The following HCN1 variants were observed in gnomAD, a reference collection of about 807,000 sequenced individuals.
The protein encoded by HCN1 is potassium/sodium hyperpolarization-activated cyclic nucleotide-gated channel 1.
HCN1 carries 13 observed loss-of-function variants against 78.9 expected under a neutral mutation model. The observed-to-expected ratio is 0.16, with a 90% CI of 0.11 to 0.26. The LOEUF (loss-of-function observed/expected upper bound fraction) is 0.26, where lower values mean the gene tolerates loss of function less well. HCN1 is among the 10% of genes least tolerant of loss of function. The pLI, the probability that HCN1 is intolerant of heterozygous loss-of-function variation, is 1.00. For synonymous variants in HCN1, 552 were observed against 455.5 expected, an observed-to-expected ratio of 1.21 and a Z score of -2.70; for missense variants, 810 against 1,154.3, an observed-to-expected ratio of 0.70 and a Z score of 4.32.
rs1580029049 is a variant in HCN1, at chr5:45,660,587, C to T, written c.426-14979G>A. On this transcript the variant is annotated intron_variant, in intron 1 of 7. Coordinates refer to ENST00000303230, the MANE Select transcript of HCN1 (RefSeq NM_021072.4). ...TCATGTGCAGAGACACACATAGGCT[C>T]AAAATAAAAGCATGGAAGAAGATCT... Among the ~76,000 whole-genome samples, 4 of 151,774 alleles carry T rather than the reference C, an allele frequency of 2.6e-5. No homozygotes were observed. In the South Asian group the frequency reaches 8.3e-4, roughly 32 times the overall value.
At chr5:45,409,443 T>A (rs1488421285) in intron 3 of HCN1, among the ~76,000 whole-genome samples, 1 of 152,100 alleles carries the variant, frequency 6.6e-6, no homozygotes, top group Non-Finnish European at 1.5e-5. Context: ...ATAAGCAGCT[T>A]ACGTAGTAAT....
chr5:45,379,535 C>G (rs189492525), intron 4 of HCN1, among the ~76,000 whole-genome samples: 2 of 152,122 alleles, frequency 1.3e-5, no homozygotes, highest in African/African-American at 4.8e-5. Context: ...ATGAATTAAT[C>G]AATTTATGTC....
At chr5:45,345,963 T>A (rs773819797) in intron 5 of HCN1, among the ~76,000 whole-genome samples, 9 of 152,240 alleles carry the variant, frequency 5.9e-5, no homozygotes, top group Admixed American at 2.6e-4. Flanking sequence ...AGAGGTTTAT[T>A]TGACTCATAG....
chr5:45,552,349 G>A (rs1020195051), intron 2 of HCN1, among the ~76,000 whole-genome samples: 9 of 151,804 alleles, frequency 5.9e-5, no homozygotes, highest in Admixed American at 2.0e-4. Context: ...CCATGAACTC[G>A]CATAATATGG....
At chr5:45,275,992 A>AT (rs1579772380) in intron 6 of HCN1, among the ~76,000 whole-genome samples, 1 of 152,106 alleles carries the variant, frequency 6.6e-6, no homozygotes, top group East Asian at 1.9e-4. Flanking sequence ...TCATCAAATG[A>AT]TTTTTGGCTC....
At chr5:45,338,315 C>T (rs1238443678) in intron 5 of HCN1, among the ~76,000 whole-genome samples, 1 of 152,060 alleles carries the variant, frequency 6.6e-6, no homozygotes, top group East Asian at 1.9e-4. Flanking sequence ...AATCACTGCT[C>T]TTAACTATAT....
chr5:45,618,872 AG>A (rs1745006508), intron 2 of HCN1, among the ~76,000 whole-genome samples: 1 of 152,022 alleles, frequency 6.6e-6, no homozygotes, highest in African/African-American at 2.4e-5. Context: ...CGGGATATAA[AG>A]AGTTCACTTT....
intron 2 of HCN1, among the ~76,000 whole-genome samples, chr5:45,532,453 TTA>T (rs1232940805): frequency 1.3e-5 from 2 of 152,204 alleles, no homozygotes; most frequent in African/African-American, 2.4e-5. Flanking sequence ...TAAAAATTTG[TTA>T]TTGTAAAATA....
chr5:45,300,155 T>C (rs941267066), intron 6 of HCN1, among the ~76,000 whole-genome samples: 2 of 152,016 alleles, frequency 1.3e-5, no homozygotes, highest in Non-Finnish European at 2.9e-5. Flanking sequence ...ACAAATCCCA[T>C]CTTTGTGCAT....
intron 4 of HCN1, among the ~76,000 whole-genome samples, chr5:45,360,913 A>G (rs1234531896): frequency 6.6e-6 from 1 of 152,176 alleles, no homozygotes; most frequent in African/African-American, 2.4e-5. Context: ...GTAACAAAAC[A>G]TAGATTTTTC....
chr5:45,497,147 G>A (rs1742054751), intron 2 of HCN1, among the ~76,000 whole-genome samples: 1 of 152,172 alleles, frequency 6.6e-6, no homozygotes, highest in Non-Finnish European at 1.5e-5. Context: ...TGGAATAAGT[G>A]TGGTGTGGTG....
At chr5:45,379,858 G>A (rs1747767467) in intron 4 of HCN1, among the ~76,000 whole-genome samples, 1 of 151,958 alleles carries the variant, frequency 6.6e-6, no homozygotes, top group Admixed American at 6.6e-5. Context: ...TCTTTAATGG[G>A]TAAAGAGCTT....
chr5:45,494,085 G>C (rs1279724224), intron 2 of HCN1, among the ~76,000 whole-genome samples: 1 of 152,090 alleles, frequency 6.6e-6, no homozygotes, highest in Non-Finnish European at 1.5e-5. Flanking sequence ...CTTTATAGCA[G>C]CATGATTTAT....
At chr5:45,342,249 T>C (rs1339577924) in intron 5 of HCN1, among the ~76,000 whole-genome samples, 1 of 151,992 alleles carries the variant, frequency 6.6e-6, no homozygotes, top group Non-Finnish European at 1.5e-5. Context: ...TTTTTTTTTT[T>C]TTGAGATGGA....
chr5:45,375,814 TATA>T (rs1370171405), intron 4 of HCN1, among the ~76,000 whole-genome samples: 9 of 115,492 alleles, frequency 7.8e-5, no homozygotes, highest in South Asian at 5.0e-4. Context: ...TTATATATAA[TATA>T]ATATTTTATG....
intron 2 of HCN1, among the ~76,000 whole-genome samples, chr5:45,595,906 A>C (rs1333315888): frequency 7.3e-6 from 1 of 137,518 alleles, no homozygotes; most frequent in Non-Finnish European, 1.6e-5. Flanking sequence ...TTTTTTTTTT[A>C]TTTGACGGAG....
At chr5:45,552,395 G>T (rs574857946) in intron 2 of HCN1, among the ~76,000 whole-genome samples, 3 of 152,012 alleles carry the variant, frequency 2.0e-5, no homozygotes, top group Admixed American at 2.0e-4. Context: ...ATTTCAAGTA[G>T]ACTTTAAAGT....
chr5:45,516,291 G>C (rs1006315730), intron 2 of HCN1, among the ~76,000 whole-genome samples: 2 of 151,764 alleles, frequency 1.3e-5, no homozygotes, highest in African/African-American at 4.8e-5. Flanking sequence ...TAAACTACTA[G>C]AGTACTTGTA....
chr5:45,346,491 A>C (rs943218088), intron 5 of HCN1, among the ~76,000 whole-genome samples: 1 of 152,176 alleles, frequency 6.6e-6, no homozygotes, highest in Non-Finnish European at 1.5e-5. Context: ...TCATCTCACT[A>C]GGGAGTACCA....
Sources: allele counts gnomAD v4.1 joint callset (sites outside exome capture counted in the v4.1 genomes callset), GRCh38; gene constraint gnomAD v4.1.1; transcripts MANE v1.5; gene names NCBI Gene and HGNC (gene_info 2026-07-23, HGNC 2026-07-21).